The following GRTP1 variants were observed in gnomAD, a reference collection of about 807,000 sequenced individuals.
The protein encoded by GRTP1 is growth hormone regulated TBC protein 1.
Under a neutral mutation model 38.1 loss-of-function variants are expected in GRTP1, and 56 were observed. That is an observed-to-expected ratio of 1.47 (90% CI 1.19 to 1.84). The LOEUF is 1.84. Among genes scored for constraint, GRTP1 ranks in the 40% most tolerant of loss-of-function variants. The pLI is 0.00. For synonymous variants in GRTP1, 217 were observed against 189.5 expected, an observed-to-expected ratio of 1.14 and a Z score of -1.19; for missense variants, 506 against 453.9, an observed-to-expected ratio of 1.11 and a Z score of -1.04.
At chr13:113,329,162 G>A (rs2042819432) in intron 5 of GRTP1, among the ~76,000 whole-genome samples, 1 of 152,246 alleles carries the variant, frequency 6.6e-6, no homozygotes, top group Non-Finnish European at 1.5e-5. Context: ...GAGCCCAGCT[G>A]GGGGACCTAA....
intron 7 of GRTP1, chr13:113,325,445 A>T: frequency 6.9e-7 from 1 of 1,445,564 alleles, no homozygotes; most frequent in South Asian, 1.5e-5. Flanking sequence ...CAGCGTCCGC[A>T]GTGCCAGGGC....
intron 4 of GRTP1, among the ~76,000 whole-genome samples, chr13:113,350,160 G>A (rs556043268): frequency 6.6e-6 from 1 of 152,214 alleles, no homozygotes; most frequent in African/African-American, 2.4e-5. Flanking sequence ...CCAGCGACAG[G>A]CCCAGGCAGG....
rs1012322565 is a variant in GRTP1 at position 113,344,781 on chromosome 13, A to T, written c.562+82T>A. 4.3e-6 allele frequency: 5 copies of T among 1,169,634 alleles called. No homozygotes were observed. The Admixed American group carries it at 1.3e-4, about 31-fold the overall frequency. 72.5% of individuals were successfully genotyped at this position (1,169,634 alleles called of 1,614,324 possible). Reference sequence around the variant, plus strand: ...CAAACAATTCAACCATGTTTTAATTAAATTTTGATTTCTCAGCGGAATCAT... The same window carrying T: ...CAAACAATTCAACCATGTTTTAATTTAATTTTGATTTCTCAGCGGAATCAT... On this transcript the variant is annotated intron_variant, in intron 5 of 7. Transcript: ENST00000375431.
intron 5 of GRTP1, among the ~76,000 whole-genome samples, chr13:113,326,395 G>GGGGGGGTGGGGGGGGGGA (rs1566411549): frequency 1.5e-5 from 1 of 64,788 alleles, no homozygotes. Context: ...GGGGGGGCGG[G>GGGGGGGTGGGGGGGGGGA]AGCGTGGCTC....
rs2043179863 is a variant in GRTP1 at position 113,347,588 on chromosome 13, CTGAGAA to C, written c.466-2635_466-2630del. Among the ~76,000 whole-genome samples the C allele has an allele frequency of 2.6e-5, 2 of 77,350 alleles. 1 individual carries two copies. Among genetic ancestry groups the C allele is most frequent in the Non-Finnish European group, 5.8e-5 (2 of 34,452 alleles). The allele number at this position is 77,350 out of a possible 152,430, so 50.7% of individuals were successfully genotyped here. A position where few individuals can be genotyped will look rare whatever the true frequency, so the allele number is the denominator to read the frequency against. ...AGCAGACCCAGGAGGACCTCTGTGG[CTGAGAA>C]CAGACCCGGGAGGACCTCTGTGGCT... On this transcript the variant is annotated intron_variant, in intron 4 of 7. Transcript: ENST00000375431.
At chr13:113,344,699 C>T (rs559040977) in intron 5 of GRTP1, among the ~76,000 whole-genome samples, 164 bp downstream of exon 5, 12 of 108,476 alleles carry the variant, frequency 1.1e-4, no homozygotes, top group East Asian at 2.9e-4. Flanking sequence ...GGCATCAGAG[C>T]GAGACTCCGT....
At chr13:113,335,621 C>T (rs2042944704) in intron 5 of GRTP1, among the ~76,000 whole-genome samples, 1 of 152,038 alleles carries the variant, frequency 6.6e-6, no homozygotes, top group South Asian at 2.1e-4. Flanking sequence ...CTCTCTATCC[C>T]CCTCCCTTCC....
intron 5 of GRTP1, among the ~76,000 whole-genome samples, chr13:113,328,614 G>A (rs1323160552): frequency 1.3e-5 from 2 of 152,180 alleles, no homozygotes; most frequent in Non-Finnish European, 2.9e-5. Context: ...CAACCTCCTG[G>A]GCTCAAGTGA....
intron 4 of GRTP1, among the ~76,000 whole-genome samples, chr13:113,350,635 TCTC>T (rs1347139345): frequency 6.6e-6 from 1 of 152,054 alleles, no homozygotes; most frequent in Non-Finnish European, 1.5e-5. Context: ...CCGTGCTGAT[TCTC>T]CTCCCGCCAC....
intron 5 of GRTP1, among the ~76,000 whole-genome samples, chr13:113,329,210 C>T (rs1012772358): frequency 6.6e-5 from 10 of 152,164 alleles, no homozygotes; most frequent in African/African-American, 2.4e-4. Flanking sequence ...CCCTGGCCAC[C>T]GACAGTTAAG....
intron 5 of GRTP1, among the ~76,000 whole-genome samples, chr13:113,333,993 C>A (rs978225549): frequency 6.6e-6 from 1 of 151,810 alleles, no homozygotes; most frequent in Non-Finnish European, 1.5e-5. Flanking sequence ...CGCCACCATG[C>A]CTGGCTAATT....
At chr13:113,347,689 C>T (rs1272375206) in intron 4 of GRTP1, among the ~76,000 whole-genome samples, 2 of 14,952 alleles carry the variant, frequency 1.3e-4, no homozygotes, top group Middle Eastern at 0.062. Context: ...AGAGCAGACC[C>T]GGGAGGACCT....
chr13:113,359,262 G>C (rs2043450803), intron 2 of GRTP1, among the ~76,000 whole-genome samples: 2 of 152,216 alleles, frequency 1.3e-5, no homozygotes, highest in African/African-American at 2.4e-5. Flanking sequence ...GAAGGCGACA[G>C]AATCTTGACT....
chr13:113,353,570 C>A (rs945762585), intron 3 of GRTP1, among the ~76,000 whole-genome samples: 4 of 152,066 alleles, frequency 2.6e-5, no homozygotes, highest in Admixed American at 6.6e-5. Context: ...CGGAGACAAG[C>A]GTACAGTGGG....
chr13:113,345,815 A>G (rs1390317478), intron 4 of GRTP1, among the ~76,000 whole-genome samples: 1 of 152,220 alleles, frequency 6.6e-6, no homozygotes, highest in African/African-American at 2.4e-5. Flanking sequence ...CCTCCCCTTA[A>G]AAACAGACCC....
chr13:113,341,713 C>T (rs552970616), intron 5 of GRTP1, among the ~76,000 whole-genome samples: 3 of 152,282 alleles, frequency 2.0e-5, no homozygotes, highest in African/African-American at 7.2e-5. Context: ...TTATATCGGT[C>T]TATAAAAACT....
chr13:113,324,756 G>C, intron 7 of GRTP1, 179 bp from the exon 8 acceptor site: 1 of 1,374,118 alleles, frequency 7.3e-7, no homozygotes, highest in African/African-American at 1.5e-5. Flanking sequence ...TGGGGCCTAG[G>C]ACTGCAGCTT....
chr13:113,333,874 T>TGTGTGTGCGC (rs33972835), intron 5 of GRTP1, among the ~76,000 whole-genome samples: 4 of 135,342 alleles, frequency 3.0e-5, no homozygotes, highest in East Asian at 2.3e-4. Flanking sequence ...TGTGTGTGTG[T>TGTGTGTGCGC]CCGAGGCTGG....
At chr13:113,344,020 T>C (rs1029022790) in intron 5 of GRTP1, among the ~76,000 whole-genome samples, 8 of 152,238 alleles carry the variant, frequency 5.3e-5, no homozygotes, top group Admixed American at 5.2e-4. Flanking sequence ...AATTATTAAA[T>C]AATTAAACAT....
Sources: gnomAD v4.1 joint callset for allele counts (sites outside exome capture counted in the v4.1 genomes callset) on GRCh38, gnomAD v4.1.1 for gene constraint, MANE v1.5 for transcripts, NCBI Gene and HGNC (gene_info 2026-07-23, HGNC 2026-07-21) for gene names.